Variants in GPR153 observed in about 807,000 individuals in gnomAD.
The protein encoded by GPR153 is probable G protein-coupled receptor 153.
A neutral mutation model predicts 34.1 loss-of-function variants in GPR153; 27 were observed. The observed-to-expected ratio is 0.79, with a 90% CI of 0.58 to 1.09. The LOEUF (loss-of-function observed/expected upper bound fraction) is 1.09, where lower values mean the gene tolerates loss of function less well. GPR153 is among the 50% of genes least tolerant of loss of function. The pLI is 0.00. For missense variants in GPR153, 848 were observed against 860.2 expected (o/e 0.99, Z 0.18); for synonymous variants, 408 against 405.4 (o/e 1.01, Z -0.08).
Position 6,249,566 on chromosome 1 carries a change from G to A in GPR153, c.1602C>T (p.Pro534=), listed in dbSNP as rs1638387090. Reference sequence around the variant, plus strand: ...TGCTTGGGGGCGTCGGGGCCTCTCCGGGATCTGCGCCGTCGGGGGCGGCGG... The same window carrying A: ...TGCTTGGGGGCGTCGGGGCCTCTCCAGGATCTGCGCCGTCGGGGGCGGCGG... ...AAPAAPDGAD[P]GEAPTPPSSA... Residue 534 remains proline, a synonymous_variant, in exon 6 of 6, where the codon CCC becomes CCT. Transcript: ENST00000377893. The surrounding 1 kb of genome is among the most constrained non-coding windows in gnomAD (Gnocchi z 4.3). 2 of 1,185,752 alleles carry A rather than the reference G, an allele frequency of 1.7e-6. No individual in the cohort carries two copies. Among genetic ancestry groups the A allele is most frequent in the Non-Finnish European group, 2.1e-6 (2 of 958,750 alleles). The allele number at this position is 1,185,752 out of a possible 1,614,324, so 73.5% of individuals were successfully genotyped here.
Position 6,249,642 on chromosome 1 carries a change from T to TCGAAGGCGGTCAGGG in GPR153, c.1511_1525dup (p.Ala504_Phe508dup). ...GCGGCGCAGGGCCTGTGGCTCGCAC[T>TCGAAGGCGGTCAGGG]CGAAGGCGGTCAGGGCGAAGGCGTC... On this transcript the variant is annotated inframe_insertion, in exon 6 of 6. Transcript: ENST00000377893. The surrounding 1 kb of genome is among the most constrained non-coding windows in gnomAD (Gnocchi z 4.3). The TCGAAGGCGGTCAGGG allele has an allele frequency of 3.7e-6, 4 of 1,093,860 alleles. No homozygotes were observed. The highest frequency in any genetic ancestry group is 4.4e-6 in the Non-Finnish European group (4 of 901,374). 67.8% of individuals were successfully genotyped at this position (1,093,860 alleles called of 1,614,324 possible). A position where few individuals can be genotyped will look rare whatever the true frequency, so the allele number is the denominator to read the frequency against.
Position 6,247,493 on chromosome 1 carries a change from G to GCTGGA in GPR153, c.*1840_*1844dup, listed in dbSNP as rs2100980063. On this transcript the variant is annotated 3_prime_UTR_variant, in exon 6 of 6. Transcript: ENST00000377893. Reference sequence around the variant, plus strand: ...AGTGAGCCCAGGGAACAGGCTGGATGCTGGACAAAGTTTGGGAGGGAGCTC... The same window carrying GCTGGA: ...AGTGAGCCCAGGGAACAGGCTGGATGCTGGACTGGACAAAGTTTGGGAGGGAGCTC... 6.6e-6 allele frequency: 1 copy of GCTGGA among 152,392 alleles called. No individual in the cohort carries two copies. The highest frequency in any genetic ancestry group is 1.5e-5 in the Non-Finnish European group (1 of 68,048). The allele number at this position is 152,392 out of a possible 1,614,324, so 9.4% of individuals were successfully genotyped here. A position where few individuals can be genotyped will look rare whatever the true frequency, so the allele number is the denominator to read the frequency against.
chr1:6,255,653 T>TTG (rs1379716544), intron 1 of GPR153, among the ~76,000 whole-genome samples: 1,274 of 121,364 alleles, frequency 0.01, 83 homozygotes, highest in African/African-American at 0.049. Flanking sequence ...TTTTTTTTTT[T>TTG]TTTTTTTTTT....
chr1:6,259,017 C>T (rs371834709), intron 1 of GPR153, among the ~76,000 whole-genome samples: 4 of 152,168 alleles, frequency 2.6e-5, no homozygotes, highest in Admixed American at 6.5e-5. Flanking sequence ...TCCTAGCACT[C>T]GGGGAGGCCA....
chr1:6,249,179 G>T lies in GPR153; in HGVS notation c.*159C>A. The T allele has an allele frequency of 3.9e-6, 2 of 517,448 alleles. No individual in the cohort carries two copies. Among genetic ancestry groups the T allele is most frequent in the Non-Finnish European group, 5.9e-6 (2 of 337,820 alleles). The allele number at this position is 517,448 out of a possible 1,614,324, so 32.1% of individuals were successfully genotyped here. ...AGCCGTCGCCCCTGGGACAAGGCCA[G>T]CTGGGAGGAGCCGGAAGACAAACGC... On this transcript the variant is annotated 3_prime_UTR_variant, in exon 6 of 6. Transcript: ENST00000377893. This position sits in a 1 kb window ranked among gnomAD's most constrained non-coding sequence, Gnocchi z 4.3.
In GPR153 at chr1:6,249,439, C is replaced by T. The variant is rs1295104475; in HGVS notation, c.1729G>A (p.Ala577Thr). Residue 577 changes from alanine to threonine, a missense_variant, in exon 6 of 6, where the codon GCG becomes ACG. Coordinates refer to ENST00000377893, the MANE Select transcript of GPR153 (RefSeq NM_207370.4). The surrounding 1 kb of genome is among the most constrained non-coding windows in gnomAD (Gnocchi z 4.3). ...CTGGTGCTGCCGCCGCCGCCCGCCGCGCGCAGCCCCCCGGGCTCGCCCCAC... is the reference window on the plus strand; with the variant it reads ...CTGGTGCTGCCGCCGCCGCCCGCCGTGCGCAGCCCCCCGGGCTCGCCCCAC... ...ASWGEPGGLRAAGGGGSTSSF... is the reference protein window; with the variant it reads ...ASWGEPGGLRTAGGGGSTSSF... 2.2e-6 allele frequency: 3 copies of T among 1,362,544 alleles called. No homozygotes were observed. The highest frequency in any genetic ancestry group is 3.5e-5 in the Admixed American group (1 of 28,758). The allele number at this position is 1,362,544 out of a possible 1,614,324, so 84.4% of individuals were successfully genotyped here.
chr1:6,255,344 G>A (rs956922106), intron 1 of GPR153, among the ~76,000 whole-genome samples: 8 of 147,934 alleles, frequency 5.4e-5, no homozygotes, highest in African/African-American at 1.5e-4. Flanking sequence ...GACTACAGGC[G>A]CCTGCCACCA....
At chr1:6,250,113 G>C in intron 5 of GPR153, 110 bp from the exon 6 acceptor site, 3 of 1,310,906 alleles carry the variant, frequency 2.3e-6, no homozygotes, top group Non-Finnish European at 2.9e-6. Flanking sequence ...CAGGCTGCGC[G>C]CTGGGGCAGT....
Position 6,255,009 on chromosome 1 carries a change from G to C in GPR153, c.-104C>G. On this transcript the variant is annotated 5_prime_UTR_variant, in exon 2 of 6. Coordinates refer to ENST00000377893, the MANE Select transcript of GPR153 (RefSeq NM_207370.4). ...GTGGCTCAAGGATGCTGGGGACCAC[G>C]AGCATCTGTGGGGGGGTGGCAGTGG... is the stretch of plus-strand genomic sequence containing the variant. 3 of 787,880 alleles carry C rather than the reference G, an allele frequency of 3.8e-6. No individual in the cohort carries two copies. Among genetic ancestry groups the C allele is most frequent in the Non-Finnish European group, 5.8e-6 (3 of 520,822 alleles). 48.8% of individuals were successfully genotyped at this position (787,880 alleles called of 1,614,324 possible).
In GPR153 at chr1:6,249,266, G is replaced by C; in HGVS notation, c.*72C>G. The C allele has an allele frequency of 9.0e-7, 1 of 1,106,446 alleles. No homozygotes were observed. Among genetic ancestry groups the C allele is most frequent in the Non-Finnish European group, 1.1e-6 (1 of 872,666 alleles). 68.5% of individuals were successfully genotyped at this position (1,106,446 alleles called of 1,614,324 possible). A position where few individuals can be genotyped will look rare whatever the true frequency, so the allele number is the denominator to read the frequency against. ...GCATGTCTGCGCGCGGGGCGGAGGC[G>C]GGCGTCTTTGGTGCTGCGGCCCCGG... On this transcript the variant is annotated 3_prime_UTR_variant, in exon 6 of 6. Coordinates refer to ENST00000377893, the MANE Select transcript of GPR153 (RefSeq NM_207370.4). The surrounding 1 kb of genome is among the most constrained non-coding windows in gnomAD (Gnocchi z 4.3).
intron 1 of GPR153, among the ~76,000 whole-genome samples, chr1:6,255,641 C>CTTTTT (rs1638550346): frequency 8.5e-5 from 3 of 35,166 alleles, no homozygotes; most frequent in East Asian, 8.4e-4. Context: ...TGCCTGGCTA[C>CTTTTT]GTTTTTTTTT....
chr1:6,249,857 G>A lies in GPR153; in HGVS notation c.1311C>T (p.Arg437=). ...LVLPAGPERR[R]ASLLAFAEDA... is the part of the protein sequence containing the mutation. Reference sequence around the variant, plus strand: ...CCTCCGCGAAGGCCAGGAGGCTGGCGCGGCGCCGCTCGGGCCCGGCAGGCA... The same window carrying A: ...CCTCCGCGAAGGCCAGGAGGCTGGCACGGCGCCGCTCGGGCCCGGCAGGCA... The change falls in exon 6 of 6, where the codon CGC becomes CGT. Residue 437 remains arginine, a synonymous_variant. Transcript: ENST00000377893. The surrounding 1 kb of genome is among the most constrained non-coding windows in gnomAD (Gnocchi z 4.3). 2 of 1,267,340 alleles carry A rather than the reference G, an allele frequency of 1.6e-6. No individual in the cohort carries two copies. The highest frequency in any genetic ancestry group is 2.9e-5 in the South Asian group (1 of 35,018). The allele number at this position is 1,267,340 out of a possible 1,614,324, so 78.5% of individuals were successfully genotyped here. A position where few individuals can be genotyped will look rare whatever the true frequency, so the allele number is the denominator to read the frequency against.
chr1:6,252,396 C>T (rs2100987407), intron 3 of GPR153, among the ~76,000 whole-genome samples: 1 of 152,304 alleles, frequency 6.6e-6, no homozygotes, highest in Admixed American at 6.5e-5. Context: ...GACTCCCTCC[C>T]AGCCCCGCCT....
Position 6,251,695 on chromosome 1 carries a change from C to CGGGGCCT in GPR153, c.787-166_787-165insAGGCCCC. 2.7e-6 allele frequency: 1 copy of CGGGGCCT among 366,550 alleles called. No individual in the cohort carries two copies. The highest frequency in any genetic ancestry group is 3.8e-6 in the Non-Finnish European group (1 of 264,252). The allele number at this position is 366,550 out of a possible 1,614,324, so 22.7% of individuals were successfully genotyped here. On this transcript the variant is annotated intron_variant, in intron 3 of 5. Transcript: ENST00000377893. This position sits in a 1 kb window ranked among gnomAD's most constrained non-coding sequence, Gnocchi z 4.9. ...AGAGCTGGAGCGTGGCAGTGGGAGGCCCCGCCTTCCGGGAGCTACCTGGCT... is the reference window on the plus strand; with the variant it reads ...AGAGCTGGAGCGTGGCAGTGGGAGGCGGGGCCTCCCGCCTTCCGGGAGCTACCTGGCT...
chr1:6,258,822 A>G (rs985083895), intron 1 of GPR153, among the ~76,000 whole-genome samples: 3 of 151,992 alleles, frequency 2.0e-5, no homozygotes, highest in African/African-American at 7.3e-5. Context: ...TAGCCCCGTG[A>G]CCTTGGCCCC....
intron 4 of GPR153, among the ~76,000 whole-genome samples, 185 bp from the exon 5 acceptor site, chr1:6,250,809 G>A (rs1638431221): frequency 6.6e-6 from 1 of 152,230 alleles, no homozygotes; most frequent in African/African-American, 2.4e-5. Context: ...CCACCCTTTA[G>A]CTGTGAGACT....
Position 6,249,045 on chromosome 1 carries a change from G to C in GPR153, c.*293C>G, listed in dbSNP as rs935508398. 6 of 295,114 alleles carry C rather than the reference G, an allele frequency of 2.0e-5. No homozygotes were observed. The highest frequency in any genetic ancestry group is 9.3e-4 in the Middle Eastern group (1 of 1,078). 18.3% of individuals were successfully genotyped at this position (295,114 alleles called of 1,614,324 possible). A position where few individuals can be genotyped will look rare whatever the true frequency, so the allele number is the denominator to read the frequency against. ...GGCTGGTGATGGCGCAGCTGGACGT[G>C]TGCACATGTCACTCACTACCCAAGC... On this transcript the variant is annotated 3_prime_UTR_variant, in exon 6 of 6. Coordinates refer to ENST00000377893, the MANE Select transcript of GPR153 (RefSeq NM_207370.4). This position sits in a 1 kb window ranked among gnomAD's most constrained non-coding sequence, Gnocchi z 4.3.
chr1:6,259,289 G>A (rs1173840247), intron 1 of GPR153, among the ~76,000 whole-genome samples: 2 of 152,162 alleles, frequency 1.3e-5, no homozygotes, highest in Non-Finnish European at 2.9e-5. Context: ...AGGTCTGTGG[G>A]CAGGGGCACG....
intron 3 of GPR153, 92 bp downstream of exon 3, chr1:6,253,626 G>A: frequency 1.8e-6 from 2 of 1,116,276 alleles, no homozygotes; most frequent in South Asian, 3.3e-5. Flanking sequence ...TCAAAGGATT[G>A]GGTCTGAGGA....
Sources: allele counts gnomAD v4.1 joint callset (sites outside exome capture counted in the v4.1 genomes callset), GRCh38; gene constraint gnomAD v4.1.1; non-coding constraint Gnocchi (gnomAD v3.1); transcripts MANE v1.5; gene names NCBI Gene and HGNC (gene_info 2026-07-23, HGNC 2026-07-21).